Variants in LARP4B observed in about 807,000 individuals in gnomAD.
LARP4B encodes La ribonucleoprotein 4B.
Under a neutral mutation model 89.8 loss-of-function variants are expected in LARP4B, and 12 were observed. That is an observed-to-expected ratio of 0.13 (90% confidence interval 0.09 to 0.22). The LOEUF (loss-of-function observed/expected upper bound fraction) is 0.22, where lower values mean the gene tolerates loss of function less well. Among genes scored for constraint, LARP4B ranks in the 10% least tolerant of loss-of-function variants. The pLI, the probability that LARP4B is intolerant of heterozygous loss-of-function variation, is 1.00. For missense variants in LARP4B, 757 were observed against 947.7 expected (o/e 0.80, Z 2.64); for synonymous variants, 367 against 363.3 (o/e 1.01, Z -0.12).
At chr10:879,146 A>G (rs1257896963) in intron 3 of LARP4B, among the ~76,000 whole-genome samples, 2 of 152,234 alleles carry the variant, frequency 1.3e-5, no homozygotes, top group East Asian at 1.9e-4. Context: ...GATCACGGGT[A>G]TGTGTTATAG....
rs557686761 is a variant in LARP4B, at chr10:908,861, G to A, written c.-40+22567C>T. On this transcript the variant is annotated intron_variant, in intron 1 of 17. Transcript: ENST00000316157. ...CGTCAAGGAGTGCAGGCTGCAGCAC[G>A]GGGGGGGCCTCCCTTGCCAGGTGGT... 3.1e-3 allele frequency among the ~76,000 whole-genome samples: 452 copies of A among 146,890 alleles called. 1 individual carries two copies. Among genetic ancestry groups the A allele is most frequent in the Non-Finnish European group, 5.2e-3 (352 of 67,806 alleles).
intron 13 of LARP4B, among the ~76,000 whole-genome samples, chr10:821,380 A>G (rs930297568): frequency 5.3e-5 from 8 of 152,020 alleles, no homozygotes; most frequent in African/African-American, 1.9e-4. Flanking sequence ...TGCCCCAAAG[A>G]CTTCCTGCCC....
chr10:962,431 C>A, the LARP4B span, among the ~76,000 whole-genome samples: 1 of 151,792 alleles, frequency 6.6e-6, no homozygotes, highest in Non-Finnish European at 1.5e-5. Context: ...AGGACTTCAA[C>A]ATGTAAATTT....
chr10:930,152 G>A (rs1285986506), intron 1 of LARP4B, among the ~76,000 whole-genome samples: 1 of 151,362 alleles, frequency 6.6e-6, no homozygotes, highest in African/African-American at 2.4e-5. Context: ...CCCCACTGTG[G>A]TCTTCACAAA....
chr10:928,559 T>A (rs983383838), intron 1 of LARP4B, among the ~76,000 whole-genome samples: 1 of 152,096 alleles, frequency 6.6e-6, no homozygotes, highest in Non-Finnish European at 1.5e-5. Context: ...GTAAACACCA[T>A]TAACAATTTG....
At chr10:877,252 G>A (rs1358035234) in intron 3 of LARP4B, among the ~76,000 whole-genome samples, 4 of 152,280 alleles carry the variant, frequency 2.6e-5, no homozygotes, top group South Asian at 2.1e-4. Flanking sequence ...GTGGGGGCGC[G>A]TGTCTGTAGT....
the LARP4B span, among the ~76,000 whole-genome samples, chr10:974,205 A>G: frequency 2.0e-5 from 3 of 149,294 alleles, no homozygotes; most frequent in South Asian, 6.6e-4. Flanking sequence ...GGTAACCAGG[A>G]GGGGCAGTGG....
rs1447481988 is a variant in LARP4B, at chr10:885,124, T to C, written c.81+517A>G. ...AAGAATTCTCCTTGCCCCTTCTCCCTTGAAGCAGGCCATAAAACACAGCTG... is the reference window on the plus strand; with the variant it reads ...AAGAATTCTCCTTGCCCCTTCTCCCCTGAAGCAGGCCATAAAACACAGCTG... On this transcript the variant is annotated intron_variant, in intron 2 of 17. Coordinates refer to ENST00000316157, the MANE Select transcript of LARP4B (RefSeq NM_015155.3). Among the ~76,000 whole-genome samples, 22 of 152,156 alleles carry C rather than the reference T, an allele frequency of 1.4e-4. 1 individual carries two copies. The highest frequency in any genetic ancestry group is 1.4e-3 in the Admixed American group (22 of 15,278).
chr10:884,441 A>G lies in LARP4B; in HGVS notation c.141+6T>C. ...AAATCTGTGATTAATCTCAAAATTG[A>G]ATTACCTGACTCAAAGGTGGGATGG... On this transcript the variant is annotated splice_donor_region_variant and intron_variant, in intron 3 of 17. Transcript: ENST00000316157. 1 of 1,577,604 alleles carries G rather than the reference A, an allele frequency of 6.3e-7. No individual in the cohort carries two copies. The highest frequency in any genetic ancestry group is 8.7e-7 in the Non-Finnish European group (1 of 1,147,024).
At chr10:876,805 T>A (rs369257301) in intron 3 of LARP4B, among the ~76,000 whole-genome samples, 1 of 152,336 alleles carries the variant, frequency 6.6e-6, no homozygotes, top group East Asian at 1.9e-4. Flanking sequence ...ACAGGCTCTC[T>A]GCAGTGGCTC....
At chr10:887,373 A>G (rs1835888231) in intron 1 of LARP4B, among the ~76,000 whole-genome samples, 1 of 152,012 alleles carries the variant, frequency 6.6e-6, no homozygotes, top group South Asian at 2.1e-4. Context: ...TTCACTATGT[A>G]TATCAAAACA....
intron 1 of LARP4B, among the ~76,000 whole-genome samples, chr10:901,110 G>A (rs1002636513): frequency 2.6e-5 from 3 of 116,650 alleles, no homozygotes; most frequent in Admixed American, 8.1e-5. Context: ...TAGTAGAGAC[G>A]AGGTTTCACC....
At chr10:966,860 G>A in the LARP4B span, among the ~76,000 whole-genome samples, 1 of 152,040 alleles carries the variant, frequency 6.6e-6, no homozygotes, top group Admixed American at 6.5e-5. Flanking sequence ...GCCTGGAGAA[G>A]GTGTGTTCTC....
At chr10:825,940 A>C in intron 11 of LARP4B, 70 bp from the exon 12 acceptor site, 12 of 984,810 alleles carry the variant, frequency 1.2e-5, no homozygotes, top group Middle Eastern at 2.8e-4. Flanking sequence ...ATACCAACAA[A>C]TCTGTGGAAA....
chr10:969,288 C>G, the LARP4B span, among the ~76,000 whole-genome samples: 1 of 152,182 alleles, frequency 6.6e-6, no homozygotes, highest in South Asian at 2.1e-4. Context: ...TCCCATCTCC[C>G]AACTCCACTC....
the LARP4B span, among the ~76,000 whole-genome samples, chr10:965,500 C>T: frequency 5.5e-4 from 84 of 152,142 alleles, no homozygotes; most frequent in East Asian, 1.2e-3. Context: ...ACAGTCTGGT[C>T]GGAGACACCA....
rs150760766 is a variant in LARP4B at position 822,117 on chromosome 10, T to G, written c.1485-1272A>C. 5.6e-3 allele frequency among the ~76,000 whole-genome samples: 848 copies of G among 152,344 alleles called. 6 individuals are homozygous for G. Among genetic ancestry groups the G allele is most frequent in the African/African-American group, 0.019 (797 of 41,584 alleles). Reference sequence around the variant, plus strand: ...CCCAAAACCCAGGGAGCTGAACTCCTACTCCGCTGCGCCAGGATTCAGAAG... The same window carrying G: ...CCCAAAACCCAGGGAGCTGAACTCCGACTCCGCTGCGCCAGGATTCAGAAG... On this transcript the variant is annotated intron_variant, in intron 13 of 17. Transcript: ENST00000316157. The surrounding 1 kb of genome is among the most constrained non-coding windows in gnomAD (Gnocchi z 4.6).
chr10:925,090 G>A (rs1250724488), intron 1 of LARP4B, among the ~76,000 whole-genome samples: 1 of 152,254 alleles, frequency 6.6e-6, no homozygotes, highest in Non-Finnish European at 1.5e-5. Flanking sequence ...CAAGGAGAGT[G>A]CAGGGCAGGA....
intron 1 of LARP4B, among the ~76,000 whole-genome samples, chr10:898,091 A>G (rs1409625666): frequency 6.6e-6 from 1 of 152,082 alleles, no homozygotes; most frequent in Admixed American, 6.6e-5. Flanking sequence ...GATCGTCCAC[A>G]TCATTCGTCA....
Sources: allele counts gnomAD v4.1 joint callset (sites outside exome capture counted in the v4.1 genomes callset), GRCh38; gene constraint gnomAD v4.1.1; non-coding constraint Gnocchi (gnomAD v3.1); transcripts MANE v1.5; gene names NCBI Gene and HGNC (gene_info 2026-07-23, HGNC 2026-07-21).